The following DENND3 variants were observed in gnomAD, a reference collection of about 807,000 sequenced individuals.
DENND3 encodes the protein DENN domain-containing protein 3.
DENND3 carries 88 observed loss-of-function variants against 135.1 expected under a neutral mutation model. That is an observed-to-expected ratio of 0.65 (90% CI 0.55 to 0.78). DENND3 has a LOEUF of 0.78. DENND3 is among the 30% of genes least tolerant of loss of function. DENND3 has a pLI of 0.00. For synonymous variants in DENND3, 693 were observed against 712.3 expected (o/e 0.97, Z 0.43); for missense variants, 1,392 against 1,688.4 (o/e 0.82, Z 3.08).
intron 14 of DENND3, 47 bp from the exon 15 acceptor site, chr8:141,176,544 T>C (rs993283567): frequency 6.2e-7 from 1 of 1,611,376 alleles, no homozygotes; most frequent in Non-Finnish European, 8.5e-7. Context: ...TGAATCCACG[T>C]GTTCTCTGAG....
In DENND3 at chr8:141,138,021, G is replaced by A; in HGVS notation, c.386-1G>A. 6.3e-7 allele frequency: 1 copy of A among 1,594,464 alleles called. No individual in the cohort carries two copies. The highest frequency in any genetic ancestry group is 8.6e-7 in the Non-Finnish European group (1 of 1,169,356). ...TCTTCTCTGTCTCTTTCTGCCTGCA[G>A]GGGGTGTGTGCGTGGCCACTGAACC... is the stretch of plus-strand genomic sequence containing the variant. On this transcript the variant is annotated splice_acceptor_variant, in intron 2 of 22. Transcript: ENST00000519811. LOFTEE classifies it high-confidence loss of function. This position sits in a 1 kb window ranked among gnomAD's most constrained non-coding sequence, Gnocchi z 4.8.
At chr8:141,165,744 A>G (rs1280570053) in intron 11 of DENND3, among the ~76,000 whole-genome samples, 3 of 152,150 alleles carry the variant, frequency 2.0e-5, no homozygotes, top group Non-Finnish European at 2.9e-5. Context: ...GATTACAGGC[A>G]TGAGCCACCA....
intron 20 of DENND3, 40 bp from the exon 21 acceptor site, chr8:141,192,291 T>A (rs372857451): frequency 2.5e-4 from 406 of 1,608,266 alleles, no homozygotes; most frequent in Admixed American, 5.2e-4. Flanking sequence ...ATGTTGCCAA[T>A]GACACTGCCT....
At chr8:141,163,286 T>A (rs764110819) in intron 9 of DENND3, 47 bp from the exon 10 acceptor site, 2 of 1,117,460 alleles carry the variant, frequency 1.8e-6, no homozygotes, top group African/African-American at 3.1e-5. Flanking sequence ...ATATTTTTCA[T>A]GTATTTAAGA....
intron 8 of DENND3, among the ~76,000 whole-genome samples, chr8:141,159,373 C>T (rs1819849378): frequency 6.6e-6 from 1 of 152,214 alleles, no homozygotes; most frequent in Non-Finnish European, 1.5e-5. Flanking sequence ...ACTCCCCCTA[C>T]CATGCTGGGC....
rs937083635 is a variant in DENND3 at position 141,190,395 on chromosome 8, G to C, written c.3357G>C (p.Leu1119=). The change falls in exon 20 of 23, where the codon CTG becomes CTC. Residue 1119 remains leucine, a synonymous_variant. Transcript: ENST00000519811. ...LPRGGLTSIR[L]HGGRLWCCTG... ...GAGGTGGCCTGACGTCCATCAGACTGCACGGCGGCCGCCTGTGGTGCTGTA... is the reference window on the plus strand; with the variant it reads ...GAGGTGGCCTGACGTCCATCAGACTCCACGGCGGCCGCCTGTGGTGCTGTA... The C allele has an allele frequency of 6.2e-7, 1 of 1,610,922 alleles. No individual in the cohort carries two copies. The highest frequency in any genetic ancestry group is 8.5e-7 in the Non-Finnish European group (1 of 1,179,390).
Position 141,190,369 on chromosome 8 carries a change from C to A in DENND3, c.3331C>A (p.Arg1111=), listed in dbSNP as rs2154613565. 1 of 1,612,992 alleles carries A rather than the reference C, an allele frequency of 6.2e-7. No homozygotes were observed. Among genetic ancestry groups the A allele is most frequent in the Non-Finnish European group, 8.5e-7 (1 of 1,179,848 alleles). ...LQVTSRFQLP[R]GGLTSIRLHG... ...GGTGACCAGCCGCTTCCAGCTGCCG[C>A]GAGGTGGCCTGACGTCCATCAGACT... The change falls in exon 20 of 23, where the codon CGA becomes AGA. Residue 1111 remains arginine (R), a synonymous_variant. Coordinates refer to ENST00000519811, the MANE Select transcript of DENND3 (RefSeq NM_001352890.3).
At chr8:141,150,282 C>T (rs561499959) in intron 5 of DENND3, 1 of 1,275,754 alleles carries the variant, frequency 7.8e-7, no homozygotes, top group South Asian at 1.3e-5. Flanking sequence ...ATTTCCTCCG[C>T]CAGGTCCAGC....
Position 141,183,730 on chromosome 8 carries a change from TG to T in DENND3, c.2945-1408del, listed in dbSNP as rs1442398021. Among the ~76,000 whole-genome samples the T allele has an allele frequency of 4.2e-3, 601 of 144,686 alleles. 7 individuals are homozygous for T. Among genetic ancestry groups the T allele is most frequent in the African/African-American group, 0.015 (520 of 35,522 alleles). The allele number at this position is 144,686 out of a possible 152,430, so 94.9% of individuals were successfully genotyped here. On this transcript the variant is annotated intron_variant, in intron 17 of 22. Transcript: ENST00000519811. ...ACGTCCGGTGACACTGTCAGTTTTT[TG>T]TTTTGTTTTTTTTTTTTTTTAATTT...
At chr8:141,136,310 A>G (rs186376357) in intron 1 of DENND3, among the ~76,000 whole-genome samples, 199 bp from the exon 2 acceptor site, 32 of 152,254 alleles carry the variant, frequency 2.1e-4, no homozygotes, top group African/African-American at 7.2e-4. Flanking sequence ...CTGCGAGTCT[A>G]CGTGGCTTCC....
At chr8:141,169,784 T>C (rs974657676) in intron 13 of DENND3, among the ~76,000 whole-genome samples, 3 of 152,270 alleles carry the variant, frequency 2.0e-5, no homozygotes, top group Non-Finnish European at 4.4e-5. Context: ...TTGCACGTGC[T>C]GTTTTACTCA....
chr8:141,161,802 T>G (rs1010532017), intron 9 of DENND3, among the ~76,000 whole-genome samples: 2 of 148,316 alleles, frequency 1.3e-5, no homozygotes, highest in Non-Finnish European at 3.0e-5. Flanking sequence ...AGTGGCCTTT[T>G]TTTTTTTTTT....
chr8:141,190,699 T>C, intron 20 of DENND3: 1 of 363,434 alleles, frequency 2.8e-6, no homozygotes, highest in South Asian at 4.6e-5. Context: ...TGGCTTTTGC[T>C]GTGCCCTGCT....
chr8:141,129,799 G>C (rs1815740253), intron 1 of DENND3: 1 of 152,290 alleles, frequency 6.6e-6, no homozygotes, highest in Non-Finnish European at 1.5e-5. Context: ...AGGAAAGGCA[G>C]ATGTTCCTGC....
Position 141,146,137 on chromosome 8 carries a change from C to T in DENND3, c.735+1878C>T, listed in dbSNP as rs959021348. 2.6e-5 allele frequency among the ~76,000 whole-genome samples: 4 copies of T among 152,126 alleles called. No homozygotes were observed. The highest frequency in any genetic ancestry group is 4.8e-5 in the African/African-American group (2 of 41,430). The stretch of plus-strand genomic sequence containing the variant: ...GCTGGGATTACAGCGTGAGCCACCG[C>T]GCCCGCCCTGGATATTGTATTTCAT... On this transcript the variant is annotated intron_variant, in intron 5 of 22. Transcript: ENST00000519811. The surrounding 1 kb of genome is among the most constrained non-coding windows in gnomAD (Gnocchi z 4.3).
chr8:141,167,934 A>G lies in DENND3; in HGVS notation c.1754-70A>G, dbSNP rs1821017178. On this transcript the variant is annotated intron_variant, in intron 12 of 22. Coordinates refer to ENST00000519811, the MANE Select transcript of DENND3 (RefSeq NM_001352890.3). This position sits in a 1 kb window ranked among gnomAD's most constrained non-coding sequence, Gnocchi z 4.1. ...GAGAAACATTGTCCTTGACAAGATG[A>G]TGTGACAGGGACACGTGTTCATTTG... The G allele has an allele frequency of 6.6e-7, 1 of 1,525,594 alleles. No homozygotes were observed. Among genetic ancestry groups the G allele is most frequent in the Non-Finnish European group, 8.8e-7 (1 of 1,130,340 alleles). The allele number at this position is 1,525,594 out of a possible 1,614,324, so 94.5% of individuals were successfully genotyped here.
At chr8:141,173,660 G>A (rs1821946932) in intron 13 of DENND3, 1 of 152,240 alleles carries the variant, frequency 6.6e-6, no homozygotes, top group Non-Finnish European at 1.5e-5. Flanking sequence ...ATCGGAACAG[G>A]GCGTGGCGGA....
chr8:141,175,878 C>A lies in DENND3; in HGVS notation c.2535+419C>A. 4.3e-6 allele frequency: 1 copy of A among 232,296 alleles called. No homozygotes were observed. The highest frequency in any genetic ancestry group is 5.5e-5 in the South Asian group (1 of 18,044). 14.4% of individuals were successfully genotyped at this position (232,296 alleles called of 1,614,324 possible). On this transcript the variant is annotated intron_variant, in intron 14 of 22. Coordinates refer to ENST00000519811, the MANE Select transcript of DENND3 (RefSeq NM_001352890.3). This position sits in a 1 kb window ranked among gnomAD's most constrained non-coding sequence, Gnocchi z 5.4. ...TTTCTAGTCACAGTCGGACCTGGTTCATATAAAACATAACAAGCTTATTTT... is the reference window on the plus strand; with the variant it reads ...TTTCTAGTCACAGTCGGACCTGGTTAATATAAAACATAACAAGCTTATTTT...
At chr8:141,156,127 C>T (rs1819397029) in intron 8 of DENND3, among the ~76,000 whole-genome samples, 157 bp downstream of exon 8, 1 of 152,042 alleles carries the variant, frequency 6.6e-6, no homozygotes, top group South Asian at 2.1e-4. Flanking sequence ...GAGATTGAGT[C>T]TCACTCTTGT....
Sources: gnomAD v4.1 joint callset for allele counts (sites outside exome capture counted in the v4.1 genomes callset) on GRCh38, gnomAD v4.1.1 for gene constraint, Gnocchi (gnomAD v3.1) non-coding constraint, MANE v1.5 for transcripts, NCBI Gene and HGNC (gene_info 2026-07-23, HGNC 2026-07-21) for gene names.